BIRC6: variants seen among roughly 807,000 people sequenced by gnomAD.
BIRC6 encodes baculoviral IAP repeat containing 6.
In BIRC6, 98 loss-of-function variants were observed where a neutral mutation model predicts 503.3. That is an observed-to-expected ratio of 0.19 (90% CI 0.17 to 0.23). The LOEUF is 0.23. Among genes scored for constraint, BIRC6 ranks in the 10% least tolerant of loss-of-function variants. The pLI is 1.00. For missense variants in BIRC6, 5,360 were observed against 5,806.0 expected, an observed-to-expected ratio of 0.92 and a Z score of 2.50; for synonymous variants, 2,240 against 2,078.7, an observed-to-expected ratio of 1.08 and a Z score of -2.11.
At chr2:32,570,014 G>T (rs1401359090) in intron 65 of BIRC6, among the ~76,000 whole-genome samples, 3 of 152,130 alleles carry the variant, frequency 2.0e-5, no homozygotes, top group African/African-American at 7.2e-5. Flanking sequence ...TTCTTAGAGG[G>T]AATGCTTTCA....
chr2:32,465,468 C>T (rs528707312), intron 26 of BIRC6, among the ~76,000 whole-genome samples: 1 of 152,026 alleles, frequency 6.6e-6, no homozygotes, highest in Non-Finnish European at 1.5e-5. Context: ...CTAGAAATTA[C>T]ACTCAAAATA....
At chr2:32,497,010 C>T (rs1207176733) in intron 45 of BIRC6, among the ~76,000 whole-genome samples, 2 of 152,162 alleles carry the variant, frequency 1.3e-5, no homozygotes, top group African/African-American at 4.8e-5. Context: ...CTAGCTGGAG[C>T]TCTTTTTTAG....
intron 12 of BIRC6, 61 bp downstream of exon 12, chr2:32,431,151 C>G: frequency 1.7e-6 from 1 of 586,262 alleles, no homozygotes; most frequent in Non-Finnish European, 3.0e-6. Flanking sequence ...TCAGAGACAA[C>G]GTAGAATTCC....
intron 43 of BIRC6, 148 bp from the exon 44 acceptor site, chr2:32,491,277 C>T: frequency 2.7e-6 from 2 of 750,080 alleles, no homozygotes; most frequent in Non-Finnish European, 4.1e-6. Context: ...CCTGCTTAGT[C>T]AATATAGTAG....
chr2:32,401,825 T>C (rs1048209606), intron 8 of BIRC6, among the ~76,000 whole-genome samples: 25 of 152,228 alleles, frequency 1.6e-4, no homozygotes, highest in African/African-American at 5.8e-4. Flanking sequence ...TTATAAAATA[T>C]GCTTAACTTT....
chr2:32,511,679 A>G (rs1463637236), intron 53 of BIRC6, among the ~76,000 whole-genome samples: 1 of 151,614 alleles, frequency 6.6e-6, no homozygotes, highest in East Asian at 1.9e-4. Flanking sequence ...TTTTGAGCAA[A>G]TATTTGGCAT....
At chr2:32,510,736 A>G (rs2054300030) in intron 53 of BIRC6, 102 bp downstream of exon 53, 2 of 771,270 alleles carry the variant, frequency 2.6e-6, no homozygotes, top group Non-Finnish European at 2.2e-6. Context: ...ATAAAAGACA[A>G]TACTGTGATA....
In BIRC6 at chr2:32,573,652, C is replaced by T. The variant is rs188834816; in HGVS notation, c.13145-1504C>T. ...AGCCTTAGAAGCAACGTGTGTTCCT[C>T]GAGTAAGGAATTCACTCTTAGATAC... On this transcript the variant is annotated intron_variant, in intron 65 of 73. Coordinates refer to ENST00000421745, the MANE Select transcript of BIRC6 (RefSeq NM_016252.4). Among the ~76,000 whole-genome samples the T allele has an allele frequency of 5.1e-4, 77 of 152,172 alleles. 1 individual carries two copies. In the East Asian group the frequency reaches 5.2e-3, roughly 10 times the overall value.
At chr2:32,412,657 A>AT (rs911294806) in intron 9 of BIRC6, among the ~76,000 whole-genome samples, 77 of 148,224 alleles carry the variant, frequency 5.2e-4, no homozygotes, top group South Asian at 2.1e-3. Flanking sequence ...CTTCCTAGTT[A>AT]TTTTTTTTTT....
intron 1 of BIRC6, among the ~76,000 whole-genome samples, chr2:32,372,691 A>G (rs1235996738): frequency 6.6e-6 from 1 of 152,070 alleles, no homozygotes; most frequent in East Asian, 1.9e-4. Context: ...TTAGCCAGAC[A>G]TCATGGTGTG....
Position 32,476,246 on chromosome 2 carries a change from T to C in BIRC6, c.6754T>C (p.Leu2252=). The C allele has an allele frequency of 6.4e-7, 1 of 1,552,186 alleles. No individual in the cohort carries two copies. The highest frequency in any genetic ancestry group is 8.7e-7 in the Non-Finnish European group (1 of 1,147,066). ...CCTACTAAAAGCAAAGCAGAAGGCA[T>C]TGGTAGAACAGATGGAAAAAGAAAA... The part of the protein sequence containing the change: ...LNLLKAKQKA[L]VEQMEKEKIQ... Residue 2252 remains leucine (L), a synonymous_variant, in exon 34 of 74, where the codon TTG becomes CTG. Transcript: ENST00000421745.
intron 10 of BIRC6, among the ~76,000 whole-genome samples, chr2:32,420,775 G>C (rs2042850348): frequency 1.3e-5 from 2 of 152,232 alleles, no homozygotes; most frequent in African/African-American, 2.4e-5. Flanking sequence ...GCCTCCTAAA[G>C]TGCTGGGATT....
intron 65 of BIRC6, among the ~76,000 whole-genome samples, chr2:32,560,840 A>G (rs2059120013): frequency 6.6e-6 from 1 of 150,920 alleles, no homozygotes. Flanking sequence ...AGTCACTGGG[A>G]TTGCATACAT....
chr2:32,411,635 G>T (rs546215346), intron 9 of BIRC6, among the ~76,000 whole-genome samples: 1 of 151,602 alleles, frequency 6.6e-6, no homozygotes, highest in South Asian at 2.1e-4. Context: ...GTACCACCAT[G>T]CCTGGCTACT....
At chr2:32,369,988 ATG>A (rs1188341138) in intron 1 of BIRC6, among the ~76,000 whole-genome samples, 43 of 107,466 alleles carry the variant, frequency 4.0e-4, no homozygotes, top group Middle Eastern at 4.7e-3. Flanking sequence ...ATATATATGT[ATG>A]TATGTATGTG....
At position 32,468,027 on chromosome 2, in the gene BIRC6, A is replaced by C. The variant is rs763106168; in HGVS notation, c.5696A>C (p.Lys1899Thr). 6.2e-7 allele frequency: 1 copy of C among 1,613,898 alleles called. No homozygotes were observed. Among genetic ancestry groups the C allele is most frequent in the Non-Finnish European group, 8.5e-7 (1 of 1,179,852 alleles). ...CTGAAGTTAATGCATGATCCTCTAA[A>C]GGGAGAGGGAGAATCTGCAAACCAG... Reference protein sequence around the residue: ...SELKLMHDPLKGEGESANQPE... With the variant: ...SELKLMHDPLTGEGESANQPE... Residue 1899 changes from lysine (K) to threonine (T), a missense_variant, in exon 28 of 74, where the codon AAG (lysine) becomes ACG (threonine). Coordinates refer to ENST00000421745, the MANE Select transcript of BIRC6 (RefSeq NM_016252.4).
chr2:32,457,041 A>G (rs2047337849), intron 23 of BIRC6, among the ~76,000 whole-genome samples: 1 of 152,022 alleles, frequency 6.6e-6, no homozygotes, highest in Non-Finnish European at 1.5e-5. Flanking sequence ...GCAGGCACAC[A>G]CCACTGCACC....
chr2:32,387,958 T>C (rs1179665466), intron 3 of BIRC6, among the ~76,000 whole-genome samples: 2 of 152,220 alleles, frequency 1.3e-5, no homozygotes, highest in Non-Finnish European at 2.9e-5. Context: ...TTATGAGGTA[T>C]AATGTGATGT....
chr2:32,358,365 C>T (rs544987195), intron 1 of BIRC6, among the ~76,000 whole-genome samples: 1 of 152,200 alleles, frequency 6.6e-6, no homozygotes, highest in South Asian at 2.1e-4. Context: ...GGTCCAGGGA[C>T]GGGACTTTCA....
Sources: allele counts gnomAD v4.1 joint callset (sites outside exome capture counted in the v4.1 genomes callset), GRCh38; gene constraint gnomAD v4.1.1; transcripts MANE v1.5; gene names NCBI Gene and HGNC (gene_info 2026-07-23, HGNC 2026-07-21).